Variants in CHN1 observed in about 807,000 individuals in gnomAD.
The protein encoded by CHN1 is chimerin 1.
A neutral mutation model predicts 59.5 loss-of-function variants in CHN1; 37 were observed. The ratio of observed to expected loss-of-function variants is 0.62; its 90% CI spans 0.48 to 0.82. The LOEUF (loss-of-function observed/expected upper bound fraction) is 0.82, where lower values mean the gene tolerates loss of function less well. Among genes scored for constraint, CHN1 ranks in the 40% least tolerant of loss-of-function variants. CHN1 has a pLI of 0.00. For missense variants in CHN1, 469 were observed against 571.0 expected, an observed-to-expected ratio of 0.82 and a Z score of 1.82; for synonymous variants, 206 against 200.4, an observed-to-expected ratio of 1.03 and a Z score of -0.24.
At chr2:174,998,370 A>G (rs1691781128) in intron 1 of CHN1, among the ~76,000 whole-genome samples, 2 of 151,566 alleles carry the variant, frequency 1.3e-5, no homozygotes, top group Non-Finnish European at 2.9e-5. Flanking sequence ...GAAGATTATG[A>G]CAGAAATGGG....
chr2:174,831,435 G>T (rs1215423628), intron 7 of CHN1, among the ~76,000 whole-genome samples: 1 of 152,104 alleles, frequency 6.6e-6, no homozygotes, highest in African/African-American at 2.4e-5. Flanking sequence ...TTGATGTTCT[G>T]TGCTGAGCTG....
At chr2:174,977,808 C>T (rs1690996262) in intron 1 of CHN1, among the ~76,000 whole-genome samples, 2 of 152,116 alleles carry the variant, frequency 1.3e-5, no homozygotes, top group African/African-American at 4.8e-5. Flanking sequence ...CTTTTGGCTG[C>T]TCCAATGGTA....
chr2:174,951,779 C>T (rs1690031461), intron 2 of CHN1, among the ~76,000 whole-genome samples: 1 of 152,178 alleles, frequency 6.6e-6, no homozygotes, highest in Admixed American at 6.5e-5. Context: ...TTTCTATCAA[C>T]ATAGCCTCCT....
chr2:174,884,478 T>C (rs373439361), intron 5 of CHN1, among the ~76,000 whole-genome samples: 8 of 152,288 alleles, frequency 5.3e-5, no homozygotes, highest in African/African-American at 1.9e-4. Flanking sequence ...AGCCTAACAA[T>C]ACTAAGTACC....
At chr2:174,829,537 T>C (rs935973967) in intron 7 of CHN1, among the ~76,000 whole-genome samples, 1 of 152,242 alleles carries the variant, frequency 6.6e-6, no homozygotes. Context: ...ATCCATGATA[T>C]AGGAAGATAA....
At chr2:174,948,360 C>T (rs1426534242) in intron 2 of CHN1, among the ~76,000 whole-genome samples, 1 of 152,210 alleles carries the variant, frequency 6.6e-6, no homozygotes, top group Admixed American at 6.5e-5. Context: ...TCAACTTACT[C>T]ATAGTCCTAA....
At chr2:174,872,505 T>A (rs1327396097) in intron 6 of CHN1, among the ~76,000 whole-genome samples, 1 of 151,242 alleles carries the variant, frequency 6.6e-6, no homozygotes, top group East Asian at 1.9e-4. Context: ...CAAAGGAGAG[T>A]TAAAATACTG....
chr2:174,888,773 T>C (rs999822541), intron 5 of CHN1, among the ~76,000 whole-genome samples: 2 of 152,200 alleles, frequency 1.3e-5, no homozygotes, highest in African/African-American at 4.8e-5. Context: ...GCATGCAATG[T>C]TGGCTTTTTA....
intron 5 of CHN1, among the ~76,000 whole-genome samples, chr2:174,909,986 T>G (rs1346910688): frequency 6.6e-6 from 1 of 152,218 alleles, no homozygotes; most frequent in African/African-American, 2.4e-5. Flanking sequence ...AACTCAGGTT[T>G]GTCTAATTCT....
chr2:174,945,021 T>A, intron 2 of CHN1, 78 bp from the exon 3 acceptor site: 4 of 1,026,896 alleles, frequency 3.9e-6, no homozygotes, highest in Non-Finnish European at 5.8e-6. Flanking sequence ...AAAACCTGGC[T>A]GCTTTTTATG....
At chr2:174,902,043 T>A (rs918877057) in intron 5 of CHN1, among the ~76,000 whole-genome samples, 2 of 152,220 alleles carry the variant, frequency 1.3e-5, no homozygotes, top group African/African-American at 4.8e-5. Context: ...GGGAAAATGC[T>A]AGAATTTCAT....
rs530599575 is a variant in CHN1 at position 174,934,357 on chromosome 2, C to A, written c.114+10531G>T. 3.3e-5 allele frequency among the ~76,000 whole-genome samples: 5 copies of A among 152,316 alleles called. No individual in the cohort carries two copies. The South Asian group carries it at 1.0e-3, about 32-fold the overall frequency. On this transcript the variant is annotated intron_variant, in intron 3 of 12. Coordinates refer to ENST00000409900, the MANE Select transcript of CHN1 (RefSeq NM_001822.7). ...GGCAGTTCACAATAGGGGTCACACT[C>A]CTATGAGAATCTAATGCCACTACTG... is the stretch of plus-strand genomic sequence containing the variant.
chr2:174,994,268 G>A (rs904915479), intron 1 of CHN1, among the ~76,000 whole-genome samples: 3 of 152,098 alleles, frequency 2.0e-5, no homozygotes, highest in African/African-American at 7.2e-5. Context: ...CTTACAGTTG[G>A]GGAATCCATA....
intron 11 of CHN1, among the ~76,000 whole-genome samples, chr2:174,804,230 T>A (rs757369426): frequency 1.3e-5 from 2 of 152,096 alleles, no homozygotes; most frequent in African/African-American, 2.4e-5. Flanking sequence ...GGAGGAGCCA[T>A]GCAGAGATCC....
At chr2:174,860,617 G>C (rs1687041225) in intron 6 of CHN1, among the ~76,000 whole-genome samples, 1 of 152,060 alleles carries the variant, frequency 6.6e-6, no homozygotes, top group African/African-American at 2.4e-5. Context: ...GACTAGGGTG[G>C]TATACTATTT....
At chr2:174,949,438 C>T (rs1290554778) in intron 2 of CHN1, among the ~76,000 whole-genome samples, 1 of 152,170 alleles carries the variant, frequency 6.6e-6, no homozygotes, top group Admixed American at 6.5e-5. Context: ...CCCACCTCCA[C>T]CTCCCAAGTA....
intron 11 of CHN1, chr2:174,802,116 C>A: frequency 1.0e-5 from 3 of 296,844 alleles, no homozygotes; most frequent in Non-Finnish European, 2.0e-5. Flanking sequence ...CAGGATGTAA[C>A]TACAAAAAAT....
intron 6 of CHN1, among the ~76,000 whole-genome samples, chr2:174,852,590 A>G (rs1686770465): frequency 6.6e-6 from 1 of 152,196 alleles, no homozygotes; most frequent in African/African-American, 2.4e-5. Flanking sequence ...TCTAAAATTC[A>G]TATGAAACCA....
chr2:174,982,204 G>A (rs1045091598), intron 1 of CHN1, among the ~76,000 whole-genome samples: 7 of 152,102 alleles, frequency 4.6e-5, no homozygotes, highest in South Asian at 2.1e-4. Context: ...TCATTGTTGG[G>A]CATTTGGGTT....
Sources: gnomAD v4.1 joint callset for allele counts (sites outside exome capture counted in the v4.1 genomes callset) on GRCh38, gnomAD v4.1.1 for gene constraint, MANE v1.5 for transcripts, NCBI Gene and HGNC (gene_info 2026-07-23, HGNC 2026-07-21) for gene names.